Variants in S100A7A observed in about 807,000 individuals in gnomAD.
S100A7A encodes the protein S100 calcium binding protein A7A.
A neutral mutation model predicts 4.0 loss-of-function variants in S100A7A; 5 were observed. The observed-to-expected ratio is 1.26, with a 90% CI of 0.66 to 2.66. S100A7A has a LOEUF of 2.66. S100A7A is among the 30% of genes most tolerant of loss of function. The pLI, the probability that S100A7A is intolerant of heterozygous loss-of-function variation, is 0.01. For synonymous variants in S100A7A, 52 were observed against 46.4 expected, an observed-to-expected ratio of 1.12 and a Z score of -0.49; for missense variants, 159 against 125.1, an observed-to-expected ratio of 1.27 and a Z score of -1.29.
chr1:153,416,779 G>T (rs1291624081), intron 1 of S100A7A, among the ~76,000 whole-genome samples: 1 of 152,220 alleles, frequency 6.6e-6, no homozygotes, highest in Non-Finnish European at 1.5e-5. Flanking sequence ...GCTCCTTTGG[G>T]ATCTCCTGAG....
rs1356759595 is a variant in S100A7A, at chr1:153,422,628, C to T, written c.*3319C>T. 21 of 591,626 alleles carry T rather than the reference C, an allele frequency of 3.5e-5. No homozygotes were observed. Among genetic ancestry groups the T allele is most frequent in the Non-Finnish European group, 4.5e-5 (21 of 470,868 alleles). The allele number at this position is 591,626 out of a possible 1,614,324, so 36.6% of individuals were successfully genotyped here. A position where few individuals can be genotyped will look rare whatever the true frequency, so the allele number is the denominator to read the frequency against. On this transcript the variant is annotated 3_prime_UTR_variant, in exon 3 of 3. Coordinates refer to ENST00000368729, the MANE Select transcript of S100A7A (RefSeq NM_176823.4). ...TCAGGCGCAGTCTCACTCTGTCGCC[C>T]GGGCTGGAGTGCTGTGAGCTGTCCG...
rs1662924478 is a variant in S100A7A at position 153,422,572 on chromosome 1, G to A, written c.*3263G>A. On this transcript the variant is annotated 3_prime_UTR_variant, in exon 3 of 3. Transcript: ENST00000368729. ...AATCCAAATGTTCCCCAGAAATTCT[G>A]ATATCAAAACATTCCAATAACTTTT... The A allele has an allele frequency of 2.0e-6, 2 of 981,338 alleles. No homozygotes were observed. The highest frequency in any genetic ancestry group is 3.5e-5 in the African/African-American group (2 of 57,226). The allele number at this position is 981,338 out of a possible 1,614,324, so 60.8% of individuals were successfully genotyped here. A position where few individuals can be genotyped will look rare whatever the true frequency, so the allele number is the denominator to read the frequency against.
rs771219295 is a variant in S100A7A at position 153,421,399 on chromosome 1, G to C, written c.*2090G>C. 2.6e-5 allele frequency: 4 copies of C among 152,162 alleles called. No individual in the cohort carries two copies. The highest frequency in any genetic ancestry group is 4.4e-5 in the Non-Finnish European group (3 of 68,038). 9.4% of individuals were successfully genotyped at this position (152,162 alleles called of 1,614,324 possible). A position where few individuals can be genotyped will look rare whatever the true frequency, so the allele number is the denominator to read the frequency against. On this transcript the variant is annotated 3_prime_UTR_variant, in exon 3 of 3. Coordinates refer to ENST00000368729, the MANE Select transcript of S100A7A (RefSeq NM_176823.4). ...TCCAGCCAGACTTGGAATCATGGAG[G>C]GAAAACATTGTTACCTCGGATCTCC...
rs200390057 is a variant in S100A7A at position 153,419,312 on chromosome 1, C to T, written c.*3C>T. 2 of 1,613,198 alleles carry T rather than the reference C, an allele frequency of 1.2e-6. No homozygotes were observed. Among genetic ancestry groups the T allele is most frequent in the African/African-American group, 1.3e-5 (1 of 74,870 alleles). The stretch of plus-strand genomic sequence containing the variant: ...CCTGTTCTGGGGGAAGCCAGTGATC[C>T]AGCCCCACCAAGGGGCCTCCAGAGA... On this transcript the variant is annotated 3_prime_UTR_variant, in exon 3 of 3. Transcript: ENST00000368729.
Position 153,421,766 on chromosome 1 carries a change from C to T in S100A7A, c.*2457C>T, listed in dbSNP as rs992755708. On this transcript the variant is annotated 3_prime_UTR_variant, in exon 3 of 3. Transcript: ENST00000368729. ...CGCTACAGTCCAGAAGGCAATTGGC[C>T]ACTCCTAATGTGGGCCTGCCCTCCC... 4.6e-5 allele frequency: 7 copies of T among 152,194 alleles called. No homozygotes were observed. The highest frequency in any genetic ancestry group is 1.4e-4 in the African/African-American group (6 of 41,452). The allele number at this position is 152,194 out of a possible 1,614,324, so 9.4% of individuals were successfully genotyped here.
chr1:153,419,047 T>C, intron 2 of S100A7A, 98 bp from the exon 3 acceptor site: 1 of 1,308,922 alleles, frequency 7.6e-7, no homozygotes, highest in Non-Finnish European at 1.1e-6. Flanking sequence ...TGTGCAGATC[T>C]AGGTACTTGT....
In S100A7A at chr1:153,420,380, A is replaced by G. The variant is rs1315276674; in HGVS notation, c.*1071A>G. 1 of 152,214 alleles carries G rather than the reference A, an allele frequency of 6.6e-6. No individual in the cohort carries two copies. The highest frequency in any genetic ancestry group is 1.5e-5 in the Non-Finnish European group (1 of 68,100). The allele number at this position is 152,214 out of a possible 1,614,324, so 9.4% of individuals were successfully genotyped here. On this transcript the variant is annotated 3_prime_UTR_variant, in exon 3 of 3. Coordinates refer to ENST00000368729, the MANE Select transcript of S100A7A (RefSeq NM_176823.4). ...GGCAATGTTCTGTGCAGCCGCTCTT[A>G]GTATTCTTCCTTGAGGCTCACATCA...
At chr1:153,418,689 G>A (rs1662805248) in intron 2 of S100A7A, among the ~76,000 whole-genome samples, 1 of 152,170 alleles carries the variant, frequency 6.6e-6, no homozygotes, top group African/African-American at 2.4e-5. Context: ...GGTACCAAAG[G>A]GTCTAGATGA....
intron 1 of S100A7A, among the ~76,000 whole-genome samples, chr1:153,417,455 G>A (rs1329870388): frequency 6.6e-6 from 1 of 152,104 alleles, no homozygotes; most frequent in Non-Finnish European, 1.5e-5. Flanking sequence ...CATTCCCAAG[G>A]GAATGTAGGA....
rs780278458 is a variant in S100A7A at position 153,421,678 on chromosome 1, G to A, written c.*2369G>A. 13 of 152,202 alleles carry A rather than the reference G, an allele frequency of 8.5e-5. No individual in the cohort carries two copies. Among genetic ancestry groups the A allele is most frequent in the Non-Finnish European group, 1.3e-4 (9 of 68,086 alleles). The allele number at this position is 152,202 out of a possible 1,614,324, so 9.4% of individuals were successfully genotyped here. A position where few individuals can be genotyped will look rare whatever the true frequency, so the allele number is the denominator to read the frequency against. On this transcript the variant is annotated 3_prime_UTR_variant, in exon 3 of 3. Coordinates refer to ENST00000368729, the MANE Select transcript of S100A7A (RefSeq NM_176823.4). ...ACTGAACAGTTCCCTCAGGACTCAC[G>A]TACTGATCTCCCAAAAGAAGAGAGG...
In S100A7A at chr1:153,422,906, A is replaced by C. The variant is rs1571188438; in HGVS notation, c.*3597A>C. The C allele has an allele frequency of 6.6e-6, 1 of 152,232 alleles. No homozygotes were observed. The highest frequency in any genetic ancestry group is 1.5e-5 in the Non-Finnish European group (1 of 68,042). The allele number at this position is 152,232 out of a possible 1,614,324, so 9.4% of individuals were successfully genotyped here. ...ATTGTTTCTGGTTCCCTGCCACTATAAAAACACCATGAGAGCATACTCATA... is the reference window on the plus strand; with the variant it reads ...ATTGTTTCTGGTTCCCTGCCACTATCAAAACACCATGAGAGCATACTCATA... On this transcript the variant is annotated 3_prime_UTR_variant, in exon 3 of 3. Coordinates refer to ENST00000368729, the MANE Select transcript of S100A7A (RefSeq NM_176823.4).
rs1265363092 is a variant in S100A7A, at chr1:153,418,056, T to C, written c.-17-10T>C. 1 of 1,612,928 alleles carries C rather than the reference T, an allele frequency of 6.2e-7. No homozygotes were observed. Among genetic ancestry groups the C allele is most frequent in the Non-Finnish European group, 8.5e-7 (1 of 1,178,968 alleles). The stretch of plus-strand genomic sequence containing the variant: ...CTAAGGTAAGAAATGATTGTCTTTA[T>C]TTCCTGAAGGCTTTTTGAAAGCAAA... On this transcript the variant is annotated splice_polypyrimidine_tract_variant and intron_variant, in intron 1 of 2. Transcript: ENST00000368729.
intron 1 of S100A7A, 80 bp from the exon 2 acceptor site, chr1:153,417,986 C>G: frequency 1.3e-6 from 2 of 1,550,670 alleles, no homozygotes; most frequent in South Asian, 2.4e-5. Flanking sequence ...TTACTCTGTC[C>G]TCAGCCCTCC....
At position 153,421,880 on chromosome 1, in the gene S100A7A, ACTT is replaced by A. The variant is rs1183414668; in HGVS notation, c.*2576_*2578del. 6.6e-6 allele frequency: 1 copy of A among 152,238 alleles called. No homozygotes were observed. Among genetic ancestry groups the A allele is most frequent in the African/African-American group, 2.4e-5 (1 of 41,466 alleles). The allele number at this position is 152,238 out of a possible 1,614,324, so 9.4% of individuals were successfully genotyped here. A position where few individuals can be genotyped will look rare whatever the true frequency, so the allele number is the denominator to read the frequency against. ...ATTAGGATGGAGTGTGTGGACAAAT[ACTT>A]CTTCATCTTCTTGTCTAGGTTTTAG... On this transcript the variant is annotated 3_prime_UTR_variant, in exon 3 of 3. Transcript: ENST00000368729.
chr1:153,417,935 T>TA (rs11434309), intron 1 of S100A7A, 131 bp from the exon 2 acceptor site: 958,561 of 1,109,992 alleles, frequency 0.86, 416,489 homozygotes, highest in East Asian at 0.97. Context: ...CCATCACATT[T>TA]AAAAAAATCA....
At position 153,419,610 on chromosome 1, in the gene S100A7A, T is replaced by C. The variant is rs1015127932; in HGVS notation, c.*301T>C. The C allele has an allele frequency of 5.0e-6, 2 of 396,180 alleles. No homozygotes were observed. Among genetic ancestry groups the C allele is most frequent in the Non-Finnish European group, 9.1e-6 (2 of 219,984 alleles). The allele number at this position is 396,180 out of a possible 1,614,324, so 24.5% of individuals were successfully genotyped here. Reference sequence around the variant, plus strand: ...CACCTTGGCAGGTTCCAGGTGGAAGTTGGTAGAAGGCCCCTGCCAGGTCAC... The same window carrying C: ...CACCTTGGCAGGTTCCAGGTGGAAGCTGGTAGAAGGCCCCTGCCAGGTCAC... On this transcript the variant is annotated 3_prime_UTR_variant, in exon 3 of 3. Coordinates refer to ENST00000368729, the MANE Select transcript of S100A7A (RefSeq NM_176823.4).
rs762852379 is a variant in S100A7A at position 153,418,098 on chromosome 1, G to C, written c.16G>C (p.Ala6Pro). 5 of 1,614,152 alleles carry C rather than the reference G, an allele frequency of 3.1e-6. No individual in the cohort carries two copies. The highest frequency in any genetic ancestry group is 4.2e-6 in the Non-Finnish European group (5 of 1,180,024). The change falls in exon 2 of 3, where the codon GCT (alanine) becomes CCT (proline). Residue 6 changes from alanine (A) to proline (P), a missense_variant. Transcript: ENST00000368729. MSNTQ[A>P]ERSIIGMIDM... is the part of the protein sequence containing the mutation. ...GAAAGCAAAGATGAGCAACACTCAAGCTGAGAGGTCCATAATAGGCATGAT... is the reference window on the plus strand; with the variant it reads ...GAAAGCAAAGATGAGCAACACTCAACCTGAGAGGTCCATAATAGGCATGAT...
In S100A7A at chr1:153,419,350, T is replaced by C; in HGVS notation, c.*41T>C. ...GGGCCTCCAGAGACCCCAGGAACAA[T>C]AAGTGTCTCCTCCCACCAGACACTT... is the stretch of plus-strand genomic sequence containing the variant. On this transcript the variant is annotated 3_prime_UTR_variant, in exon 3 of 3. Coordinates refer to ENST00000368729, the MANE Select transcript of S100A7A (RefSeq NM_176823.4). 1 of 1,584,640 alleles carries C rather than the reference T, an allele frequency of 6.3e-7. No individual in the cohort carries two copies. Among genetic ancestry groups the C allele is most frequent in the Non-Finnish European group, 8.6e-7 (1 of 1,164,642 alleles).
chr1:153,418,235 T>C lies in S100A7A; in HGVS notation c.141+12T>C, dbSNP rs114571503. ...TCCTCAGTGCCTGTGTGAGTTGGGGTCTAGCTTCTCAATGTTGGTTGGACC... is the reference window on the plus strand; with the variant it reads ...TCCTCAGTGCCTGTGTGAGTTGGGGCCTAGCTTCTCAATGTTGGTTGGACC... On this transcript the variant is annotated intron_variant, in intron 2 of 2. Coordinates refer to ENST00000368729, the MANE Select transcript of S100A7A (RefSeq NM_176823.4). 6.6e-4 allele frequency: 1,070 copies of C among 1,613,806 alleles called. 5 individuals are homozygous for C. The African/African-American group carries it at 0.01, about 15-fold the overall frequency.
Sources: allele counts gnomAD v4.1 joint callset (sites outside exome capture counted in the v4.1 genomes callset), GRCh38; gene constraint gnomAD v4.1.1; transcripts MANE v1.5; gene names NCBI Gene and HGNC (gene_info 2026-07-23, HGNC 2026-07-21).